SFI1: variants seen among roughly 807,000 people sequenced by gnomAD.
SFI1 encodes the protein protein SFI1 homolog.
SFI1 carries 195 observed loss-of-function variants against 207.5 expected under a neutral mutation model. That is an observed-to-expected ratio of 0.94 (90% CI 0.84 to 1.06). The LOEUF is 1.06. Among genes scored for constraint, SFI1 ranks in the 50% least tolerant of loss-of-function variants. SFI1 has a pLI of 0.00. For synonymous variants in SFI1, 630 were observed against 598.9 expected, an observed-to-expected ratio of 1.05 and a Z score of -0.76; for missense variants, 1,634 against 1,588.0, an observed-to-expected ratio of 1.03 and a Z score of -0.49.
At chr22:31,513,150 C>A (rs1454620821) in intron 2 of SFI1, among the ~76,000 whole-genome samples, 1 of 151,970 alleles carries the variant, frequency 6.6e-6, no homozygotes, top group Non-Finnish European at 1.5e-5. Flanking sequence ...TCTGTCACCT[C>A]AAGTATTTGA....
intron 4 of SFI1, among the ~76,000 whole-genome samples, chr22:31,537,180 T>C (rs1044883762): frequency 6.6e-6 from 1 of 152,190 alleles, no homozygotes; most frequent in Non-Finnish European, 1.5e-5. Context: ...TTTGTCCTCA[T>C]AGGTAACACT....
intron 2 of SFI1, among the ~76,000 whole-genome samples, chr22:31,527,134 T>C (rs2147255208): frequency 6.6e-6 from 1 of 152,246 alleles, no homozygotes; most frequent in African/African-American, 2.4e-5. Context: ...TGACCTCAGG[T>C]GACCCTCCCG....
chr22:31,503,112 G>A (rs1382341747), intron 1 of SFI1, among the ~76,000 whole-genome samples: 1 of 150,464 alleles, frequency 6.6e-6, no homozygotes, highest in Non-Finnish European at 1.5e-5. Context: ...CCTTGTGTCT[G>A]AGCAGGACTT....
intron 15 of SFI1, among the ~76,000 whole-genome samples, chr22:31,593,042 C>G (rs1271281432): frequency 7.2e-6 from 1 of 138,434 alleles, no homozygotes; most frequent in Non-Finnish European, 1.6e-5. Context: ...GGCTGACCCC[C>G]CCACCTCCCT....
intron 4 of SFI1, among the ~76,000 whole-genome samples, chr22:31,537,346 T>A (rs1220378980): frequency 6.6e-6 from 1 of 152,212 alleles, no homozygotes; most frequent in East Asian, 1.9e-4. Context: ...ACCGGCCACC[T>A]TTAGCTACAG....
At chr22:31,568,224 A>ATTTT (rs1301046058) in intron 8 of SFI1, among the ~76,000 whole-genome samples, 16 of 124,402 alleles carry the variant, frequency 1.3e-4, no homozygotes, top group African/African-American at 5.0e-4. Context: ...ATATATATAT[A>ATTTT]TATTTTTTTT....
At chr22:31,530,171 CAAAAAAAAAAAAAAAAAAAA>C (rs1162482504) in intron 3 of SFI1, among the ~76,000 whole-genome samples, 7 of 12,100 alleles carry the variant, frequency 5.8e-4, no homozygotes, top group Non-Finnish European at 4.0e-4. Context: ...GACTCCATCT[CAAAAAAAAAAAAAAAAAAAA>C]AAAAAAAAAA....
At chr22:31,568,210 G>GTGTGTA (rs1569334127) in intron 8 of SFI1, among the ~76,000 whole-genome samples, 57 of 114,582 alleles carry the variant, frequency 5.0e-4, no homozygotes, top group Non-Finnish European at 7.5e-4. Context: ...GTGTGTGTGT[G>GTGTGTA]TATATATATA....
rs1354060104 is a variant in SFI1 at position 31,521,200 on chromosome 22, T to C, written c.93-7490T>C. 6 of 169,862 alleles carry C rather than the reference T, an allele frequency of 3.5e-5. No homozygotes were observed. In the Admixed American group the frequency reaches 3.6e-4, roughly 10 times the overall value. The allele number at this position is 169,862 out of a possible 1,614,324, so 10.5% of individuals were successfully genotyped here. ...GATAATAAGAAATACAGGCATCCTTTACATAGTCTTCTGTTGTTCTTTCTT... is the reference window on the plus strand; with the variant it reads ...GATAATAAGAAATACAGGCATCCTTCACATAGTCTTCTGTTGTTCTTTCTT... On this transcript the variant is annotated intron_variant, in intron 2 of 32. Transcript: ENST00000400288.
At position 31,529,094 on chromosome 22, in the gene SFI1, A is replaced by G. The variant is rs1374154631; in HGVS notation, c.266+231A>G. The stretch of plus-strand genomic sequence containing the variant: ...TGTGCCTCACAATATGACGCTATCA[A>G]GATTCTTCCAGAAAAAGTCTAAACG... On this transcript the variant is annotated intron_variant, in intron 3 of 32. Coordinates refer to ENST00000400288, the MANE Select transcript of SFI1 (RefSeq NM_001007467.3). The G allele has an allele frequency of 1.6e-5, 7 of 424,468 alleles. No individual in the cohort carries two copies. The East Asian group carries it at 2.0e-4, about 12-fold the overall frequency. 26.3% of individuals were successfully genotyped at this position (424,468 alleles called of 1,614,324 possible).
At chr22:31,607,455 T>G (rs1471921458) in intron 21 of SFI1, among the ~76,000 whole-genome samples, 3 of 151,676 alleles carry the variant, frequency 2.0e-5, no homozygotes, top group Admixed American at 2.0e-4. Flanking sequence ...ATACAGAAAT[T>G]AGCTGGGTGT....
intron 1 of SFI1, among the ~76,000 whole-genome samples, chr22:31,507,551 A>G (rs2054825189): frequency 6.6e-6 from 1 of 152,194 alleles, no homozygotes; most frequent in African/African-American, 2.4e-5. Context: ...ACAGCAAAAG[A>G]AACTATCATC....
At chr22:31,571,589 A>C (rs1602999295) in intron 8 of SFI1, among the ~76,000 whole-genome samples, 1 of 152,078 alleles carries the variant, frequency 6.6e-6, no homozygotes, top group South Asian at 2.1e-4. Flanking sequence ...TGCTGAGATT[A>C]CAGGTGTGAG....
At chr22:31,615,301 C>T in intron 29 of SFI1, 22 bp downstream of exon 29, 7 of 1,457,008 alleles carry the variant, frequency 4.8e-6, no homozygotes, top group Non-Finnish European at 5.4e-6. Context: ...ACCACCAGGC[C>T]TGGGCACTGG....
intron 18 of SFI1, 114 bp from the exon 19 acceptor site, chr22:31,604,195 G>A (rs558893842): frequency 5.0e-6 from 4 of 800,180 alleles, no homozygotes; most frequent in Admixed American, 4.2e-5. Flanking sequence ...TATAGATGAG[G>A]CCAGAGAGGT....
At position 31,565,044 on chromosome 22, in the gene SFI1, C is replaced by T. The variant is rs187109937; in HGVS notation, c.765+3652C>T. Among the ~76,000 whole-genome samples, 276 of 147,012 alleles carry T rather than the reference C, an allele frequency of 1.9e-3. 1 individual carries two copies. Among genetic ancestry groups the T allele is most frequent in the Non-Finnish European group, 2.0e-3 (135 of 66,984 alleles). ...TTCACCATGTTAGCCAGGATGGTCT[C>T]GATCTCCTGACCTCGTGATCCGCCT... is the stretch of plus-strand genomic sequence containing the variant. On this transcript the variant is annotated intron_variant, in intron 8 of 32. Transcript: ENST00000400288.
chr22:31,596,699 G>A (rs1348960898), intron 15 of SFI1, among the ~76,000 whole-genome samples: 5 of 149,156 alleles, frequency 3.4e-5, no homozygotes, highest in Non-Finnish European at 5.9e-5. Context: ...CAGGAGAATC[G>A]CTTGAACCTA....
chr22:31,526,494 G>A (rs559439253), intron 2 of SFI1, among the ~76,000 whole-genome samples: 2 of 152,182 alleles, frequency 1.3e-5, no homozygotes, highest in African/African-American at 2.4e-5. Flanking sequence ...CCCATGACAC[G>A]TGGGGATTAT....
chr22:31,512,612 G>T (rs565872763), intron 2 of SFI1, among the ~76,000 whole-genome samples: 1 of 151,710 alleles, frequency 6.6e-6, no homozygotes, highest in South Asian at 2.1e-4. Flanking sequence ...CCACCTCAGG[G>T]GTTCAAACAA....
Sources: allele counts gnomAD v4.1 joint callset (sites outside exome capture counted in the v4.1 genomes callset), GRCh38; gene constraint gnomAD v4.1.1; transcripts MANE v1.5; gene names NCBI Gene and HGNC (gene_info 2026-07-23, HGNC 2026-07-21).